The following PRKN variants were observed in gnomAD, a reference collection of about 807,000 sequenced individuals.
The protein encoded by PRKN is E3 ubiquitin-protein ligase parkin.
A neutral mutation model predicts 59.5 loss-of-function variants in PRKN; 56 were observed. The ratio of observed to expected loss-of-function variants is 0.94; its 90% confidence interval spans 0.76 to 1.18. The LOEUF is 1.18. Ranked by LOEUF, PRKN falls within the 50% of genes most tolerant of loss-of-function variation. The probability of loss-of-function intolerance (pLI) is 0.00; values close to 1 mark genes in which losing one functional copy is unlikely to be tolerated. For synonymous variants in PRKN, 250 were observed against 222.1 expected (o/e 1.13, Z -1.12); for missense variants, 657 against 596.4 (o/e 1.10, Z -1.06).
chr6:162,427,463 T>C (rs1386331599), intron 2 of PRKN, among the ~76,000 whole-genome samples: 2 of 152,188 alleles, frequency 1.3e-5, no homozygotes, highest in Admixed American at 6.5e-5. Flanking sequence ...ACACATGGTA[T>C]GCTATTCATT....
intron 4 of PRKN, among the ~76,000 whole-genome samples, chr6:162,076,069 A>G (rs1257960468): frequency 5.3e-5 from 8 of 150,940 alleles, no homozygotes. Context: ...CCTGGCTTCA[A>G]GTGATTCTCC....
intron 7 of PRKN, among the ~76,000 whole-genome samples, chr6:161,655,513 C>T (rs1486483171): frequency 1.3e-5 from 2 of 152,384 alleles, no homozygotes; most frequent in South Asian, 2.1e-4. Context: ...CTCTCACCTC[C>T]GTCAGCACAT....
chr6:162,125,150 G>A (rs1781073734), intron 4 of PRKN, among the ~76,000 whole-genome samples: 1 of 152,120 alleles, frequency 6.6e-6, no homozygotes, highest in Non-Finnish European at 1.5e-5. Context: ...GACACTAACA[G>A]TTAGCAAACA....
intron 1 of PRKN, among the ~76,000 whole-genome samples, chr6:162,558,057 T>C (rs1224210477): frequency 6.6e-6 from 1 of 152,218 alleles, no homozygotes; most frequent in East Asian, 1.9e-4. Flanking sequence ...TATTAATATC[T>C]ACACACAAGT....
At position 161,545,025 on chromosome 6, in the gene PRKN, A is replaced by C. The variant is rs1028678535; in HGVS notation, c.1083+3829T>G. 6.8e-5 allele frequency: 26 copies of C among 381,766 alleles called. No homozygotes were observed. Among genetic ancestry groups the C allele is most frequent in the Non-Finnish European group, 9.3e-5 (24 of 258,608 alleles). 23.6% of individuals were successfully genotyped at this position (381,766 alleles called of 1,614,324 possible). The stretch of plus-strand genomic sequence containing the variant: ...CAGGTACATGGTCGTGGGTGAAATG[A>C]CTAGAAGATTAGAATCCTCTGGAGC... On this transcript the variant is annotated intron_variant, in intron 9 of 11. Coordinates refer to ENST00000366898, the MANE Select transcript of PRKN (RefSeq NM_004562.3). This position sits in a 1 kb window ranked among gnomAD's most constrained non-coding sequence, Gnocchi z 4.1.
intron 6 of PRKN, among the ~76,000 whole-genome samples, chr6:161,896,049 GGA>G (rs1414737437): frequency 1.3e-5 from 2 of 152,176 alleles, no homozygotes; most frequent in Non-Finnish European, 2.9e-5. Context: ...CAGTGTTGGA[GGA>G]GAGACTAAAG....
At chr6:162,684,261 A>T (rs1779883765) in intron 1 of PRKN, among the ~76,000 whole-genome samples, 1 of 151,580 alleles carries the variant, frequency 6.6e-6, no homozygotes, top group African/African-American at 2.4e-5. Context: ...TTTTTTTTCC[A>T]GTGTTTTCTA....
intron 4 of PRKN, among the ~76,000 whole-genome samples, chr6:162,083,381 G>C (rs147601674): frequency 6.6e-6 from 1 of 151,964 alleles, no homozygotes; most frequent in African/African-American, 2.4e-5. Context: ...TAGACTTGCC[G>C]CTCAATACCG....
intron 4 of PRKN, among the ~76,000 whole-genome samples, chr6:162,091,223 A>C (rs770039124): frequency 2.0e-5 from 3 of 152,174 alleles, no homozygotes; most frequent in Admixed American, 6.5e-5. Flanking sequence ...TGACATCTAA[A>C]AATGTGCTAT....
intron 3 of PRKN, among the ~76,000 whole-genome samples, chr6:162,259,881 C>A (rs893257358): frequency 6.6e-6 from 1 of 152,150 alleles, no homozygotes; most frequent in African/African-American, 2.4e-5. Context: ...AACTGGAGTA[C>A]AAAATAGCAA....
intron 2 of PRKN, among the ~76,000 whole-genome samples, chr6:162,308,557 C>A (rs1471916857): frequency 6.6e-6 from 1 of 152,154 alleles, no homozygotes; most frequent in Non-Finnish European, 1.5e-5. Context: ...TGCTTCTGTT[C>A]TTTCTGTTTT....
chr6:162,050,981 C>T (rs925743430), intron 5 of PRKN, among the ~76,000 whole-genome samples: 1 of 152,084 alleles, frequency 6.6e-6, no homozygotes, highest in Non-Finnish European at 1.5e-5. Flanking sequence ...TTATTTACTG[C>T]CAGAAAATTC....
intron 2 of PRKN, among the ~76,000 whole-genome samples, chr6:162,344,515 T>C (rs1056244399): frequency 1.3e-5 from 2 of 152,074 alleles, no homozygotes; most frequent in African/African-American, 4.8e-5. Context: ...CTAGAGCAAC[T>C]GAGCCAAACC....
In PRKN at chr6:161,359,050, T is replaced by C. The variant is rs1395417838; in HGVS notation, c.1285+1038A>G. ...ACCTTGTGATCCACCCGCCTCCGCC[T>C]CCCAAAGTGCTGGGATTACAGGCGT... On this transcript the variant is annotated intron_variant, in intron 11 of 11. Transcript: ENST00000366898. This position sits in a 1 kb window ranked among gnomAD's most constrained non-coding sequence, Gnocchi z 5.4. Among the ~76,000 whole-genome samples the C allele has an allele frequency of 6.6e-6, 1 of 152,062 alleles. No individual in the cohort carries two copies. The highest frequency in any genetic ancestry group is 1.5e-5 in the Non-Finnish European group (1 of 67,982).
chr6:161,798,171 A>G (rs1268429565), intron 6 of PRKN, among the ~76,000 whole-genome samples: 1 of 152,228 alleles, frequency 6.6e-6, no homozygotes, highest in Non-Finnish European at 1.5e-5. Context: ...ACTGCACTCC[A>G]GCCTGGGTGA....
chr6:162,379,846 A>G (rs1415029928), intron 2 of PRKN, among the ~76,000 whole-genome samples: 2 of 152,208 alleles, frequency 1.3e-5, no homozygotes, highest in South Asian at 4.1e-4. Flanking sequence ...GCCTTATACA[A>G]TATCTGCTTT....
At chr6:161,615,618 C>T (rs981458148) in intron 7 of PRKN, among the ~76,000 whole-genome samples, 24 of 152,254 alleles carry the variant, frequency 1.6e-4, no homozygotes, top group African/African-American at 4.8e-4. Flanking sequence ...GTGGCAGCAA[C>T]GTGGGCTGCC....
intron 1 of PRKN, among the ~76,000 whole-genome samples, chr6:162,486,997 G>A (rs575112723): frequency 3.6e-4 from 55 of 152,144 alleles, no homozygotes; most frequent in African/African-American, 1.2e-3. Context: ...TTGAACCTAG[G>A]AGGCAGAGGT....
intron 6 of PRKN, among the ~76,000 whole-genome samples, chr6:161,966,707 G>A (rs779638141): frequency 1.3e-5 from 2 of 152,212 alleles, no homozygotes; most frequent in African/African-American, 2.4e-5. Flanking sequence ...ACTACTGTTG[G>A]TAAGGAGAGG....
Sources: allele counts gnomAD v4.1 joint callset (sites outside exome capture counted in the v4.1 genomes callset), GRCh38; gene constraint gnomAD v4.1.1; non-coding constraint Gnocchi (gnomAD v3.1); transcripts MANE v1.5; gene names NCBI Gene and HGNC (gene_info 2026-07-23, HGNC 2026-07-21).